ABCG8: variants seen among roughly 807,000 people sequenced by gnomAD.
ABCG8 encodes the protein ATP-binding cassette sub-family G member 8.
In ABCG8, 81 loss-of-function variants were observed where a neutral mutation model predicts 71.3. The observed-to-expected ratio is 1.14, with a 90% confidence interval of 0.95 to 1.37. The LOEUF (loss-of-function observed/expected upper bound fraction) is 1.37, where lower values mean the gene tolerates loss of function less well. ABCG8 is among the 40% of genes most tolerant of loss of function. The pLI, the probability that ABCG8 is intolerant of heterozygous loss-of-function variation, is 0.00. For synonymous variants in ABCG8, 451 were observed against 354.7 expected (o/e 1.27, Z -3.05); for missense variants, 1,119 against 866.2 (o/e 1.29, Z -3.66).
chr2:43,851,884 T>C, intron 4 of ABCG8, 62 bp downstream of exon 4: 1 of 1,560,120 alleles, frequency 6.4e-7, no homozygotes, highest in Non-Finnish European at 8.8e-7. Context: ...CATGCCCCGC[T>C]CCTCCCCTGC....
chr2:43,854,800 C>T (rs1007333566), intron 6 of ABCG8, among the ~76,000 whole-genome samples: 3 of 152,122 alleles, frequency 2.0e-5, no homozygotes, highest in Non-Finnish European at 4.4e-5. Context: ...GCTCAGTTTG[C>T]CTTTTCTGGC....
intron 2 of ABCG8, 44 bp downstream of exon 2, chr2:43,844,652 C>A: frequency 2.0e-6 from 3 of 1,500,790 alleles, no homozygotes; most frequent in Non-Finnish European, 2.8e-6. Flanking sequence ...CAGGCAGGGA[C>A]AGCCAGGAAA....
chr2:43,842,639 A>G (rs903716785), intron 1 of ABCG8, among the ~76,000 whole-genome samples: 1 of 152,090 alleles, frequency 6.6e-6, no homozygotes, highest in African/African-American at 2.4e-5. Flanking sequence ...ATCAGCTTAA[A>G]GAACTCTCAT....
Position 43,874,388 on chromosome 2 carries a change from C to T in ABCG8, c.1412-19C>T, listed in dbSNP as rs746899942. ...TTATTCTACTTCTTCATTCTCTTTT[C>T]CTTTCCCTTACTTTTTAGGTTACTC... On this transcript the variant is annotated intron_variant, in intron 9 of 12. Coordinates refer to ENST00000272286, the MANE Select transcript of ABCG8 (RefSeq NM_022437.3). 3 of 1,558,408 alleles carry T rather than the reference C, an allele frequency of 1.9e-6. No individual in the cohort carries two copies. In the South Asian group the frequency reaches 3.3e-5, roughly 17 times the overall value.
chr2:43,843,255 A>G (rs4148208), intron 1 of ABCG8, among the ~76,000 whole-genome samples: 54,574 of 151,978 alleles, frequency 0.36, 11,194 homozygotes, highest in East Asian at 0.84. Flanking sequence ...TGGGCTCCCC[A>G]TAAGTGTTTG....
rs769232278 is a variant in ABCG8, at chr2:43,852,693, G to T, written c.789G>T (p.Arg263=). ...TGTCCAGGCTGGCCAAAGGCAACCG[G>T]CTGGTGCTCATCTCCCTCCACCAGC... is the stretch of plus-strand genomic sequence containing the variant. ...KTLSRLAKGN[R]LVLISLHQPR... The change falls in exon 6 of 13, where the codon CGG becomes CGT. Residue 263 remains arginine, a synonymous_variant. Coordinates refer to ENST00000272286, the MANE Select transcript of ABCG8 (RefSeq NM_022437.3). 3.1e-6 allele frequency: 5 copies of T among 1,614,200 alleles called. No homozygotes were observed. Among genetic ancestry groups the T allele is most frequent in the Non-Finnish European group, 4.2e-6 (5 of 1,180,034 alleles).
At chr2:43,852,519 G>C in intron 5 of ABCG8, 33 bp downstream of exon 5, 1 of 1,613,882 alleles carries the variant, frequency 6.2e-7, no homozygotes, top group Non-Finnish European at 8.5e-7. Context: ...GGGGCAGAGG[G>C]ACCTGTGCGG....
At chr2:43,846,837 A>G (rs1668757811) in intron 3 of ABCG8, 1 of 188,144 alleles carries the variant, frequency 5.3e-6, no homozygotes. Flanking sequence ...AAATGAGAGA[A>G]TGTCTGAGCT....
At chr2:43,846,499 G>C in intron 3 of ABCG8, 188 bp downstream of exon 3, 4 of 802,166 alleles carry the variant, frequency 5.0e-6, no homozygotes, top group Non-Finnish European at 8.1e-6. Context: ...TTGCTGGCTT[G>C]AGGGTAGGTG....
intron 1 of ABCG8, among the ~76,000 whole-genome samples, chr2:43,840,399 A>C (rs1368644631): frequency 6.6e-6 from 1 of 152,214 alleles, no homozygotes. Context: ...GGGAGGGCTG[A>C]CGATTCAGCC....
rs1670063083 is a variant in ABCG8 at position 43,879,488 on chromosome 2, G to A, written c.*1575G>A. On this transcript the variant is annotated 3_prime_UTR_variant, in exon 13 of 13. Coordinates refer to ENST00000272286, the MANE Select transcript of ABCG8 (RefSeq NM_022437.3). The stretch of plus-strand genomic sequence containing the variant: ...AGTCTGCGTCTTAAGAAGACCCCCT[G>A]GTGATCTGTGCACATTCAAGCATGC... 1 of 152,276 alleles carries A rather than the reference G, an allele frequency of 6.6e-6. No homozygotes were observed. Among genetic ancestry groups the A allele is most frequent in the Non-Finnish European group, 1.5e-5 (1 of 68,054 alleles). 9.4% of individuals were successfully genotyped at this position (152,276 alleles called of 1,614,324 possible). A position where few individuals can be genotyped will look rare whatever the true frequency, so the allele number is the denominator to read the frequency against.
chr2:43,842,557 A>G (rs1016775105), intron 1 of ABCG8, among the ~76,000 whole-genome samples: 2 of 151,964 alleles, frequency 1.3e-5, no homozygotes, highest in African/African-American at 4.8e-5. Context: ...TGAGGTGGGA[A>G]TGGAACTCTG....
At position 43,875,027 on chromosome 2, in the gene ABCG8, C is replaced by T. The variant is rs75604017; in HGVS notation, c.1489-119C>T. ...TGGGTCCCAGCACACCCTCCTGCCA[C>T]AGCCTCATCATCACCAGGAGGGAAG... is the stretch of plus-strand genomic sequence containing the variant. On this transcript the variant is annotated intron_variant, in intron 10 of 12. Transcript: ENST00000272286. 1,374 of 1,422,744 alleles carry T rather than the reference C, an allele frequency of 9.7e-4. 32 individuals carry two copies. In the East Asian group the frequency reaches 0.028, roughly 29 times the overall value. The allele number at this position is 1,422,744 out of a possible 1,614,324, so 88.1% of individuals were successfully genotyped here.
rs767410900 is a variant in ABCG8 at position 43,880,663 on chromosome 2, TGC to T, written c.*2765_*2766del. ...CAGAGTTAGGGAGTGTGTGTGTGTG[TGC>T]GCGCGCGCGCGCGCATGTGCATACA... On this transcript the variant is annotated 3_prime_UTR_variant, in exon 13 of 13. Transcript: ENST00000272286. 3.4e-3 allele frequency: 512 copies of T among 151,820 alleles called. 4 individuals carry two copies. Among genetic ancestry groups the T allele is most frequent in the African/African-American group, 0.011 (465 of 41,388 alleles). The allele number at this position is 151,820 out of a possible 1,614,324, so 9.4% of individuals were successfully genotyped here. A position where few individuals can be genotyped will look rare whatever the true frequency, so the allele number is the denominator to read the frequency against.
intron 3 of ABCG8, chr2:43,847,149 T>A (rs1668770533): frequency 6.6e-6 from 1 of 152,422 alleles, no homozygotes; most frequent in South Asian, 2.1e-4. Context: ...ATCAAGACAT[T>A]TCTCCCTGGG....
chr2:43,852,333 A>C (rs1668946740), intron 4 of ABCG8, 21 bp from the exon 5 acceptor site: 2 of 1,611,934 alleles, frequency 1.2e-6, no homozygotes, highest in African/African-American at 2.7e-5. Flanking sequence ...AGGTGGCCTC[A>C]AAGCTCCTTC....
rs371511223 is a variant in ABCG8 at position 43,877,676 on chromosome 2, C to G, written c.1872C>G (p.Val624=). ...KMPLGNLTIA[V]SGDKILSVME... Reference sequence around the variant, plus strand: ...CTCTCGGGAACCTCACCATCGCGGTCTCAGGAGATAAAGTAAGCGGGGAAG... The same window carrying G: ...CTCTCGGGAACCTCACCATCGCGGTGTCAGGAGATAAAGTAAGCGGGGAAG... The change falls in exon 12 of 13, where the codon GTC becomes GTG. Residue 624 remains valine, a synonymous_variant. Coordinates refer to ENST00000272286, the MANE Select transcript of ABCG8 (RefSeq NM_022437.3). The G allele has an allele frequency of 2.2e-5, 36 of 1,613,940 alleles. No homozygotes were observed. Among genetic ancestry groups the G allele is most frequent in the Non-Finnish European group, 3.1e-5 (36 of 1,180,006 alleles).
chr2:43,852,162 G>A (rs1668940247), intron 4 of ABCG8, among the ~76,000 whole-genome samples, 192 bp from the exon 5 acceptor site: 2 of 152,202 alleles, frequency 1.3e-5, no homozygotes, highest in Non-Finnish European at 2.9e-5. Context: ...TGCCCAGCAC[G>A]TCGAGGCCCC....
intron 6 of ABCG8, among the ~76,000 whole-genome samples, chr2:43,871,559 C>T (rs527548528): frequency 1.6e-4 from 24 of 151,950 alleles, no homozygotes; most frequent in Non-Finnish European, 3.2e-4. Flanking sequence ...AACTTCTCCC[C>T]ATGGAGGGGC....
Sources: gnomAD v4.1 joint callset for allele counts (sites outside exome capture counted in the v4.1 genomes callset) on GRCh38, gnomAD v4.1.1 for gene constraint, MANE v1.5 for transcripts, NCBI Gene and HGNC (gene_info 2026-07-23, HGNC 2026-07-21) for gene names.